The following CECR2 variants were observed in gnomAD, a reference collection of about 807,000 sequenced individuals.
The protein encoded by CECR2 is CECR2 histone acetyl-lysine reader.
In CECR2, 30 loss-of-function variants were observed where a neutral mutation model predicts 154.5. That is an observed-to-expected ratio of 0.19 (90% CI 0.15 to 0.26). The LOEUF (loss-of-function observed/expected upper bound fraction) is 0.26, where lower values mean the gene tolerates loss of function less well. Ranked by LOEUF, CECR2 falls within the 10% of genes least tolerant of loss-of-function variation. The pLI, the probability that CECR2 is intolerant of heterozygous loss-of-function variation, is 1.00. For synonymous variants in CECR2, 725 were observed against 683.7 expected (o/e 1.06, Z -0.94); for missense variants, 1,743 against 1,829.3 (o/e 0.95, Z 0.86).
At chr22:17,391,026 C>A (rs79265099) in intron 1 of CECR2, among the ~76,000 whole-genome samples, 1 of 152,128 alleles carries the variant, frequency 6.6e-6, no homozygotes, top group Non-Finnish European at 1.5e-5. Flanking sequence ...ATTGTTAACA[C>A]TTTTGCCACA....
Position 17,504,953 on chromosome 22 carries a change from G to A in CECR2, c.807G>A (p.Arg269=). The A allele has an allele frequency of 6.2e-7, 1 of 1,613,668 alleles. No individual in the cohort carries two copies. Among genetic ancestry groups the A allele is most frequent in the Non-Finnish European group, 8.5e-7 (1 of 1,179,846 alleles). The change falls in exon 7 of 19, where the codon CGG becomes CGA. Residue 269 remains arginine (R), a synonymous_variant. Transcript: ENST00000262608. ...GCGAGAGGACCTCCCTTCGAGAACG[G>A]CAGCTCTACAAGCTCCTCAGTGAGG... ...SFRERTSLRE[R]QLYKLLSEDF... is the part of the protein sequence containing the mutation.
chr22:17,545,573 G>A (rs1000643044), intron 16 of CECR2, among the ~76,000 whole-genome samples: 2 of 151,372 alleles, frequency 1.3e-5, no homozygotes, highest in Non-Finnish European at 2.9e-5. Context: ...GGCTGAGCAC[G>A]GTGGCTCACA....
At chr22:17,417,992 A>C (rs2054180604) in intron 1 of CECR2, among the ~76,000 whole-genome samples, 1 of 152,190 alleles carries the variant, frequency 6.6e-6, no homozygotes, top group Non-Finnish European at 1.5e-5. Context: ...CTTAAAAAAA[A>C]ACATAAAAAC....
intron 2 of CECR2, among the ~76,000 whole-genome samples, chr22:17,491,566 T>C (rs2055529709): frequency 1.1e-5 from 1 of 88,344 alleles, no homozygotes; most frequent in African/African-American, 3.7e-5. Flanking sequence ...GGCTTCTTAT[T>C]CTGTGTGTGT....
intron 2 of CECR2, among the ~76,000 whole-genome samples, chr22:17,489,724 C>T (rs943971453): frequency 6.6e-6 from 1 of 152,230 alleles, no homozygotes; most frequent in African/African-American, 2.4e-5. Flanking sequence ...TCCCAAAGTG[C>T]TGGAATTACA....
intron 1 of CECR2, among the ~76,000 whole-genome samples, chr22:17,435,205 T>C (rs1358940519): frequency 1.3e-5 from 2 of 152,020 alleles, no homozygotes; most frequent in Non-Finnish European, 2.9e-5. Context: ...CTTTCTTTCT[T>C]TCTTTTTTTT....
chr22:17,399,584 AT>A, intron 1 of CECR2, among the ~76,000 whole-genome samples: 1 of 151,862 alleles, frequency 6.6e-6, no homozygotes, highest in East Asian at 1.9e-4. Context: ...TGCCCAGCTA[AT>A]TTTTGTATTT....
chr22:17,524,185 T>C lies in CECR2; in HGVS notation c.1022T>C (p.Leu341Pro). ...RKEEEEERQI[L>P]LAVQKKEQEQ... Reference sequence around the variant, plus strand: ...GAGGAGGAAGAAGAGCGTCAGATTCTTCTAGCAGTGCAGAAGAAGGAGCAG... The same window carrying C: ...GAGGAGGAAGAAGAGCGTCAGATTCCTCTAGCAGTGCAGAAGAAGGAGCAG... Residue 341 changes from leucine (L) to proline (P), a missense_variant, in exon 9 of 19, where the codon CTT (leucine) becomes CCT (proline). Physicochemically the swap from Leu to Pro is moderately conservative, Grantham distance 98. This residue lies in a region of CECR2 where 292 missense variants were observed against 301.2 expected (regional missense o/e 0.97). Coordinates refer to ENST00000262608, the MANE Select transcript of CECR2 (RefSeq NM_001290047.2). The C allele has an allele frequency of 1.2e-6, 2 of 1,608,346 alleles. No individual in the cohort carries two copies. The highest frequency in any genetic ancestry group is 1.7e-6 in the Non-Finnish European group (2 of 1,177,472).
At chr22:17,522,703 A>G (rs572039786) in intron 8 of CECR2, among the ~76,000 whole-genome samples, 1 of 152,310 alleles carries the variant, frequency 6.6e-6, no homozygotes, top group Admixed American at 6.5e-5. Context: ...TGAAAATGAC[A>G]TTGAGAAGTC....
intron 4 of CECR2, 65 bp downstream of exon 4, chr22:17,499,614 C>G (rs1443600923): frequency 4.9e-5 from 71 of 1,449,690 alleles, no homozygotes; most frequent in Non-Finnish European, 3.5e-5. Flanking sequence ...TTAAATGCAT[C>G]AGAATTCTAC....
chr22:17,486,308 A>G (rs2055419223), intron 2 of CECR2, among the ~76,000 whole-genome samples: 1 of 152,232 alleles, frequency 6.6e-6, no homozygotes, highest in South Asian at 2.1e-4. Context: ...TCTCAATTCA[A>G]ATGATTTTTT....
In CECR2 at chr22:17,553,151, T is replaced by C; in HGVS notation, c.*311T>C. ...ATCCTGAGACACTTTTCAGGGAAAA[T>C]CACTTTAAACTTGGGGGAGGGGGTA... is the stretch of plus-strand genomic sequence containing the variant. On this transcript the variant is annotated 3_prime_UTR_variant, in exon 19 of 19. Transcript: ENST00000262608. 2 of 347,748 alleles carry C rather than the reference T, an allele frequency of 5.8e-6. No homozygotes were observed. The highest frequency in any genetic ancestry group is 9.6e-6 in the Non-Finnish European group (2 of 208,044). 21.5% of individuals were successfully genotyped at this position (347,748 alleles called of 1,614,324 possible). A position where few individuals can be genotyped will look rare whatever the true frequency, so the allele number is the denominator to read the frequency against.
intron 1 of CECR2, among the ~76,000 whole-genome samples, chr22:17,363,882 A>G (rs962517748): frequency 1.3e-5 from 2 of 152,140 alleles, no homozygotes; most frequent in Middle Eastern, 3.2e-3. Flanking sequence ...TGATCCACCC[A>G]CTGCAGCCTC....
chr22:17,492,871 C>G (rs978506290), intron 2 of CECR2, among the ~76,000 whole-genome samples: 2 of 152,172 alleles, frequency 1.3e-5, no homozygotes, highest in Non-Finnish European at 2.9e-5. Flanking sequence ...AATGAATGTT[C>G]CAGGTAATCT....
chr22:17,536,509 T>G (rs1371620719), intron 9 of CECR2, among the ~76,000 whole-genome samples: 1 of 152,206 alleles, frequency 6.6e-6, no homozygotes, highest in Non-Finnish European at 1.5e-5. Context: ...CCAGCTGGCA[T>G]CTTTCCCCTC....
At chr22:17,396,750 T>C (rs2053818110) in intron 1 of CECR2, among the ~76,000 whole-genome samples, 1 of 152,192 alleles carries the variant, frequency 6.6e-6, no homozygotes, top group Admixed American at 6.5e-5. Flanking sequence ...GCTGAGTGAA[T>C]GGAGAAGTAA....
At chr22:17,479,614 T>G (rs893688077) in intron 2 of CECR2, among the ~76,000 whole-genome samples, 3 of 152,128 alleles carry the variant, frequency 2.0e-5, no homozygotes, top group African/African-American at 7.2e-5. Flanking sequence ...AAATTGATCT[T>G]AACTAATTCT....
chr22:17,442,108 A>G (rs1271592320), intron 1 of CECR2, among the ~76,000 whole-genome samples: 1 of 151,912 alleles, frequency 6.6e-6, no homozygotes, highest in South Asian at 2.1e-4. Context: ...AGCTTTACCT[A>G]TTTTGAATTC....
chr22:17,417,508 G>T (rs1016723123), intron 1 of CECR2, among the ~76,000 whole-genome samples: 2 of 152,128 alleles, frequency 1.3e-5, no homozygotes, highest in East Asian at 1.9e-4. Context: ...AATTGATACA[G>T]GATCTCGCTA....
Sources: gnomAD v4.1 joint callset for allele counts (sites outside exome capture counted in the v4.1 genomes callset) on GRCh38, gnomAD v4.1.1 for gene constraint, gnomAD v4.1.1 regional missense constraint, MANE v1.5 for transcripts, NCBI Gene and HGNC (gene_info 2026-07-23, HGNC 2026-07-21) for gene names.